ARMC12: variants seen among roughly 807,000 people sequenced by gnomAD.
The protein encoded by ARMC12 is armadillo repeat-containing protein 12.
Under a neutral mutation model 37.4 loss-of-function variants are expected in ARMC12, and 25 were observed. The observed-to-expected ratio is 0.67, with a 90% CI of 0.49 to 0.93. The LOEUF (loss-of-function observed/expected upper bound fraction) is 0.93, where lower values mean the gene tolerates loss of function less well. Among genes scored for constraint, ARMC12 ranks in the 40% least tolerant of loss-of-function variants. ARMC12 has a pLI of 0.00. For synonymous variants in ARMC12, 167 were observed against 176.1 expected (o/e 0.95, Z 0.41); for missense variants, 384 against 426.6 (o/e 0.90, Z 0.88).
At chr6:35,732,621 A>G (rs1435727118), upstream of ARMC12, among the ~76,000 whole-genome samples, 1 of 152,212 alleles carries the variant, frequency 6.6e-6, no homozygotes, top group Non-Finnish European at 1.5e-5. Flanking sequence ...CTTTTCGTAG[A>G]GGACCCCCAA....
chr6:35,732,105 G>A (rs1766846832), upstream of ARMC12, among the ~76,000 whole-genome samples: 1 of 152,162 alleles, frequency 6.6e-6, no homozygotes, highest in South Asian at 2.1e-4. Context: ...CCCGGGACGG[G>A]GAAAGGCGCG....
chr6:35,748,599 T>C lies in ARMC12; in HGVS notation c.752T>C (p.Val251Ala). Residue 251 changes from valine (V) to alanine (A), a missense_variant, in exon 6 of 6, where the codon GTA becomes GCA. By Grantham distance (64) the Val-to-Ala change is moderately conservative. Transcript: ENST00000373866. ...PTQSGSLLYE[V>A]LVFAERLSEG... ...CAGTCAGGGAGTCTCCTGTATGAGG[T>C]ACTGGTGTTTGCTGAGCGGCTGAGT... is the stretch of plus-strand genomic sequence containing the variant. 1 of 1,593,948 alleles carries C rather than the reference T, an allele frequency of 6.3e-7. No individual in the cohort carries two copies. Among genetic ancestry groups the C allele is most frequent in the Non-Finnish European group, 8.6e-7 (1 of 1,169,382 alleles).
At chr6:35,744,254 G>T (rs2151043975) in intron 3 of ARMC12, among the ~76,000 whole-genome samples, 1 of 152,068 alleles carries the variant, frequency 6.6e-6, no homozygotes, top group South Asian at 2.1e-4. Context: ...CGATTCTCCT[G>T]CCTCACCCTC....
chr6:35,742,211 G>A (rs1181703668), intron 3 of ARMC12, among the ~76,000 whole-genome samples: 1 of 151,358 alleles, frequency 6.6e-6, no homozygotes, highest in Non-Finnish European at 1.5e-5. Context: ...TAAAAGCAAA[G>A]ATTTTGGCTG....
upstream of ARMC12, among the ~76,000 whole-genome samples, chr6:35,732,209 C>T (rs995709356): frequency 1.1e-4 from 16 of 152,192 alleles, no homozygotes; most frequent in African/African-American, 3.6e-4. Context: ...GCCCCAGGAT[C>T]TGGTTCCTGG....
Position 35,748,756 on chromosome 6 carries a change from A to C in ARMC12, c.909A>C (p.Glu303Asp). 1 of 1,614,226 alleles carries C rather than the reference A, an allele frequency of 6.2e-7. No individual in the cohort carries two copies. The highest frequency in any genetic ancestry group is 1.1e-5 in the South Asian group (1 of 91,090). Reference sequence around the variant, plus strand: ...TTGCCCTGGTCATCCACCCTGAGGAAGATGTTCAGATCCAGGCCTGCAAGG... The same window carrying C: ...TTGCCCTGGTCATCCACCCTGAGGACGATGTTCAGATCCAGGCCTGCAAGG... ...RLLALVIHPE[E>D]DVQIQACKVI... The change falls in exon 6 of 6, where the codon GAA becomes GAC. Residue 303 changes from glutamate to aspartate, a missense_variant. Glu to Asp is a conservative substitution (Grantham distance 45). Coordinates refer to ENST00000373866, the MANE Select transcript of ARMC12 (RefSeq NM_001286574.2).
intron 3 of ARMC12, 55 bp from the exon 4 acceptor site, chr6:35,747,206 T>G: frequency 6.4e-7 from 1 of 1,560,008 alleles, no homozygotes; most frequent in Admixed American, 1.7e-5. Flanking sequence ...AGTCAGATAC[T>G]GGGATAGTGG....
chr6:35,740,897 GTT>G (rs11365534), intron 3 of ARMC12, among the ~76,000 whole-genome samples: 197 of 116,332 alleles, frequency 1.7e-3, no homozygotes, highest in Middle Eastern at 4.5e-3. Flanking sequence ...CTTCCTTCTG[GTT>G]TTTTTTTTTT....
At chr6:35,734,757 G>A (rs551408044), upstream of ARMC12, among the ~76,000 whole-genome samples, 1 of 151,202 alleles carries the variant, frequency 6.6e-6, no homozygotes, top group Admixed American at 6.6e-5. Context: ...AGCCAACATC[G>A]CACCACTGCG....
rs775431751 is a variant in ARMC12, at chr6:35,737,072, C to CCTAG, written c.-34_-31dup. On this transcript the variant is annotated 5_prime_UTR_variant, in exon 1 of 6. Coordinates refer to ENST00000373866, the MANE Select transcript of ARMC12 (RefSeq NM_001286574.2). ...GAAGGCCCCCCACAGGTGCCTTGGG[C>CCTAG]CTAGCTCTCACCTGGGCCCAGGGCA... 2 of 1,610,664 alleles carry CCTAG rather than the reference C, an allele frequency of 1.2e-6. No individual in the cohort carries two copies. The highest frequency in any genetic ancestry group is 3.3e-5 in the Admixed American group (2 of 59,944).
upstream of ARMC12, among the ~76,000 whole-genome samples, chr6:35,734,821 A>AG (rs1339308026): frequency 6.6e-6 from 1 of 151,404 alleles, no homozygotes; most frequent in Non-Finnish European, 1.5e-5. Flanking sequence ...AAAAAAAAAA[A>AG]AGAAAGAAAA....
chr6:35,738,261 G>A, intron 2 of ARMC12, 89 bp downstream of exon 2: 2 of 1,305,136 alleles, frequency 1.5e-6, no homozygotes, highest in Non-Finnish European at 2.1e-6. Flanking sequence ...ACTATATCCT[G>A]GGACCTCTCT....
the ARMC12 span, among the ~76,000 whole-genome samples, chr6:35,731,603 G>A: frequency 6.6e-6 from 1 of 152,098 alleles, no homozygotes; most frequent in South Asian, 2.1e-4. Flanking sequence ...GCCTTTGACC[G>A]TACTCGCCTC....
Position 35,748,907 on chromosome 6 carries a change from A to T in ARMC12, c.*37A>T. Reference sequence around the variant, plus strand: ...GCCAATAAATGAGTATAGGAGAGAAACTTGAAGTTTCTTGAAGCTCGAATG... The same window carrying T: ...GCCAATAAATGAGTATAGGAGAGAATCTTGAAGTTTCTTGAAGCTCGAATG... On this transcript the variant is annotated 3_prime_UTR_variant, in exon 6 of 6. Coordinates refer to ENST00000373866, the MANE Select transcript of ARMC12 (RefSeq NM_001286574.2). 1 of 1,547,774 alleles carries T rather than the reference A, an allele frequency of 6.5e-7. No individual in the cohort carries two copies. Among genetic ancestry groups the T allele is most frequent in the Non-Finnish European group, 8.7e-7 (1 of 1,146,796 alleles).
chr6:35,748,891 T>C lies in ARMC12; in HGVS notation c.*21T>C. 1.3e-6 allele frequency: 2 copies of C among 1,593,402 alleles called. No individual in the cohort carries two copies. The highest frequency in any genetic ancestry group is 1.7e-6 in the Non-Finnish European group (2 of 1,169,536). On this transcript the variant is annotated 3_prime_UTR_variant, in exon 6 of 6. Transcript: ENST00000373866. ...AATAAAATTAAGGAGAGCCAATAAA[T>C]GAGTATAGGAGAGAAACTTGAAGTT...
upstream of ARMC12, chr6:35,734,034 T>C (rs149492889): frequency 6.6e-6 from 1 of 152,182 alleles, no homozygotes; most frequent in East Asian, 1.9e-4. Context: ...ATTTCTGGAT[T>C]TGACAGAAAA....
chr6:35,740,779 T>G (rs1767139058), intron 3 of ARMC12, among the ~76,000 whole-genome samples: 1 of 152,140 alleles, frequency 6.6e-6, no homozygotes, highest in African/African-American at 2.4e-5. Flanking sequence ...TAAAATATAG[T>G]CTGGTATGTT....
chr6:35,738,296 G>GGT (rs1767053916), intron 2 of ARMC12, 88 bp from the exon 3 acceptor site: 4 of 1,394,686 alleles, frequency 2.9e-6, no homozygotes, highest in East Asian at 2.4e-5. Flanking sequence ...TGGGGGGGGG[G>GGT]TGTGCGGAGG....
chr6:35,738,202 G>A (rs200959307), intron 2 of ARMC12, 30 bp downstream of exon 2: 21 of 1,585,704 alleles, frequency 1.3e-5, no homozygotes, highest in South Asian at 7.7e-5. Flanking sequence ...CCCCCTAGCC[G>A]GCCTGGCCCC....
Sources: gnomAD v4.1 joint callset for allele counts (sites outside exome capture counted in the v4.1 genomes callset) on GRCh38, gnomAD v4.1.1 for gene constraint, MANE v1.5 for transcripts, NCBI Gene and HGNC (gene_info 2026-07-23, HGNC 2026-07-21) for gene names.